The following RIMS2 variants were observed in gnomAD, a reference collection of about 807,000 sequenced individuals.
RIMS2 encodes the protein regulating synaptic membrane exocytosis 2.
A neutral mutation model predicts 174.4 loss-of-function variants in RIMS2; 59 were observed. The ratio of observed to expected loss-of-function variants is 0.34; its 90% CI spans 0.27 to 0.42. The LOEUF is 0.42. Among genes scored for constraint, RIMS2 ranks in the 10% least tolerant of loss-of-function variants. The pLI is 1.00. For synonymous variants in RIMS2, 606 were observed against 572.5 expected (o/e 1.06, Z -0.84); for missense variants, 1,620 against 1,666.3 (o/e 0.97, Z 0.48).
At chr8:103,926,664 T>G (rs542322431) in intron 10 of RIMS2, among the ~76,000 whole-genome samples, 64 of 151,654 alleles carry the variant, frequency 4.2e-4, no homozygotes, top group African/African-American at 1.5e-3. Flanking sequence ...CTTTAACTAT[T>G]TATGATTTTG....
chr8:103,838,807 T>G (rs2098920689), intron 3 of RIMS2, among the ~76,000 whole-genome samples: 1 of 152,212 alleles, frequency 6.6e-6, no homozygotes, highest in South Asian at 2.1e-4. Context: ...GGCTCACGCC[T>G]GTAATCCCAG....
At chr8:103,884,253 C>T (rs1018268616) in intron 3 of RIMS2, among the ~76,000 whole-genome samples, 5 of 151,836 alleles carry the variant, frequency 3.3e-5, no homozygotes, top group African/African-American at 1.2e-4. Flanking sequence ...AAATTCACAA[C>T]TGAACTGTTG....
At chr8:103,709,340 G>GT (rs35595373) in intron 2 of RIMS2, among the ~76,000 whole-genome samples, 22,687 of 132,674 alleles carry the variant, frequency 0.17, 2,080 homozygotes, top group African/African-American at 0.23. Context: ...CGGTATGTGG[G>GT]TTTTTTTTTT....
intron 3 of RIMS2, among the ~76,000 whole-genome samples, chr8:103,805,064 C>T (rs781194061): frequency 6.6e-6 from 1 of 152,006 alleles, no homozygotes; most frequent in Non-Finnish European, 1.5e-5. Flanking sequence ...AAAGCGCTGG[C>T]ATTACAGGAT....
At chr8:104,152,723 G>A (rs1199104339) in intron 19 of RIMS2, among the ~76,000 whole-genome samples, 2 of 151,998 alleles carry the variant, frequency 1.3e-5, no homozygotes, top group African/African-American at 2.4e-5. Context: ...TATATAAGAT[G>A]TATTGAGTAA....
intron 2 of RIMS2, 119 bp from the exon 6 acceptor site, chr8:103,766,108 A>C: frequency 3.3e-6 from 2 of 606,870 alleles, no homozygotes; most frequent in Non-Finnish European, 5.8e-6. Context: ...AATTAGGATT[A>C]TGTTTTAACT....
chr8:103,841,530 T>C (rs1314728103), intron 3 of RIMS2, among the ~76,000 whole-genome samples: 1 of 152,140 alleles, frequency 6.6e-6, no homozygotes, highest in African/African-American at 2.4e-5. Context: ...TACTGTCCAA[T>C]CAGTGTGTAG....
At chr8:103,573,660 T>A (rs1018776079) in intron 1 of RIMS2, among the ~76,000 whole-genome samples, 1 of 152,186 alleles carries the variant, frequency 6.6e-6, no homozygotes, top group East Asian at 1.9e-4. Context: ...CCTCCCACTT[T>A]GTTCTTTTCA....
At chr8:104,190,718 T>A (rs2098993224) in intron 19 of RIMS2, among the ~76,000 whole-genome samples, 1 of 150,936 alleles carries the variant, frequency 6.6e-6, no homozygotes, top group Non-Finnish European at 1.5e-5. Flanking sequence ...AGAGCATGCA[T>A]TTTTTTTGGC....
intron 3 of RIMS2, among the ~76,000 whole-genome samples, chr8:103,805,196 G>A (rs1261698111): frequency 6.6e-6 from 1 of 152,006 alleles, no homozygotes; most frequent in African/African-American, 2.4e-5. Flanking sequence ...GAGTGTTTTT[G>A]TTTAATTTTG....
chr8:104,059,838 T>C (rs2154560148), intron 19 of RIMS2, among the ~76,000 whole-genome samples: 1 of 152,356 alleles, frequency 6.6e-6, no homozygotes, highest in East Asian at 1.9e-4. Context: ...CATGTGGTTT[T>C]TGTCTTTTGT....
intron 19 of RIMS2, among the ~76,000 whole-genome samples, chr8:104,205,323 C>T (rs1036635688): frequency 2.6e-5 from 4 of 152,118 alleles, no homozygotes; most frequent in Admixed American, 6.5e-5. Context: ...AATCAGAACA[C>T]AAACTGATAC....
At chr8:103,827,149 C>T (rs1481084339) in intron 3 of RIMS2, among the ~76,000 whole-genome samples, 3 of 151,956 alleles carry the variant, frequency 2.0e-5, no homozygotes, top group African/African-American at 4.8e-5. Context: ...TTTATCCAAA[C>T]AGTGTTTTAT....
chr8:103,652,767 A>G (rs2096475253), intron 1 of RIMS2, 57 bp downstream of exon 3: 11 of 1,028,414 alleles, frequency 1.1e-5, no homozygotes, highest in Non-Finnish European at 1.5e-5. Flanking sequence ...AACATACTGA[A>G]AAGTATGTGT....
At chr8:103,519,421 C>T (rs757284110) in intron 1 of RIMS2, among the ~76,000 whole-genome samples, 16 of 152,086 alleles carry the variant, frequency 1.1e-4, no homozygotes, top group Non-Finnish European at 2.4e-4. Context: ...CTCAAACTGT[C>T]TCACAATTTA....
At chr8:103,530,299 A>G (rs540556424) in intron 1 of RIMS2, among the ~76,000 whole-genome samples, 6 of 152,288 alleles carry the variant, frequency 3.9e-5, no homozygotes, top group South Asian at 2.1e-4. Flanking sequence ...GAAGAAAAAT[A>G]TAATAAAAAG....
At chr8:103,918,075 TAGC>T (rs1253914788) in intron 8 of RIMS2, among the ~76,000 whole-genome samples, 1 of 152,224 alleles carries the variant, frequency 6.6e-6, no homozygotes, top group Admixed American at 6.5e-5. Flanking sequence ...TCATTTAGAA[TAGC>T]AGGTAAAACC....
chr8:104,189,895 C>T (rs909378332), intron 19 of RIMS2, among the ~76,000 whole-genome samples: 2 of 151,916 alleles, frequency 1.3e-5, no homozygotes, highest in Non-Finnish European at 2.9e-5. Context: ...AATCCAACTA[C>T]CTCATTGATT....
intron 19 of RIMS2, among the ~76,000 whole-genome samples, chr8:104,232,412 A>C (rs1384793320): frequency 1.3e-5 from 2 of 152,238 alleles, no homozygotes; most frequent in Admixed American, 6.5e-5. Context: ...ATGCATATGC[A>C]ACATGTTTCC....
Sources: allele counts gnomAD v4.1 joint callset (sites outside exome capture counted in the v4.1 genomes callset), GRCh38; gene constraint gnomAD v4.1.1; transcripts MANE v1.5; gene names NCBI Gene and HGNC (gene_info 2026-07-23, HGNC 2026-07-21).